The following FANCL variants were observed in gnomAD, a reference collection of about 807,000 sequenced individuals.
FANCL encodes the protein FA complementation group L.
In FANCL, 69 loss-of-function variants were observed where a neutral mutation model predicts 59.4. The ratio of observed to expected loss-of-function variants is 1.16; its 90% CI spans 0.96 to 1.42. The LOEUF is 1.42. Ranked by LOEUF, FANCL falls within the 40% of genes most tolerant of loss-of-function variation. The probability of loss-of-function intolerance (pLI) is 0.00; values close to 1 mark genes in which losing one functional copy is unlikely to be tolerated. For missense variants in FANCL, 519 were observed against 447.2 expected, an observed-to-expected ratio of 1.16 and a Z score of -1.45; for synonymous variants, 180 against 147.1, an observed-to-expected ratio of 1.22 and a Z score of -1.62.
chr2:58,212,987 T>C (rs1362301754), intron 5 of FANCL, among the ~76,000 whole-genome samples: 1 of 152,188 alleles, frequency 6.6e-6, no homozygotes, highest in Non-Finnish European at 1.5e-5. Flanking sequence ...AGAATTTGTA[T>C]AATGTCTAAT....
chr2:58,160,307 T>G, intron 12 of FANCL, 128 bp from the exon 13 acceptor site: 2 of 954,274 alleles, frequency 2.1e-6, no homozygotes, highest in Non-Finnish European at 3.3e-6. Context: ...AATTTTGTTT[T>G]GCAAGAGTAA....
chr2:58,194,937 G>C (rs1415517998), intron 7 of FANCL, among the ~76,000 whole-genome samples: 1 of 139,708 alleles, frequency 7.2e-6, no homozygotes, highest in Admixed American at 7.0e-5. Flanking sequence ...AAAAAAAAAA[G>C]AAAAATAAAG....
At chr2:58,211,462 G>A (rs1414911521) in intron 5 of FANCL, among the ~76,000 whole-genome samples, 1 of 152,138 alleles carries the variant, frequency 6.6e-6, no homozygotes, top group African/African-American at 2.4e-5. Context: ...GAAGACCTCT[G>A]GCATGCCCTG....
At chr2:58,209,624 C>T (rs1690932857) in intron 5 of FANCL, among the ~76,000 whole-genome samples, 1 of 152,164 alleles carries the variant, frequency 6.6e-6, no homozygotes, top group African/African-American at 2.4e-5. Flanking sequence ...CAACTTGATA[C>T]ACCTACTTTA....
At chr2:58,231,646 AATGTTG>A (rs1693588539) in intron 2 of FANCL, among the ~76,000 whole-genome samples, 1 of 152,170 alleles carries the variant, frequency 6.6e-6, no homozygotes, top group African/African-American at 2.4e-5. Context: ...ACCAGCACTC[AATGTTG>A]GTACCTAATT....
At chr2:58,196,173 T>G (rs974964570) in intron 7 of FANCL, among the ~76,000 whole-genome samples, 6 of 152,046 alleles carry the variant, frequency 3.9e-5, no homozygotes, top group African/African-American at 1.4e-4. Context: ...GCAAAAAGTA[T>G]GCACGGATGG....
chr2:58,207,549 A>G (rs543159845), intron 5 of FANCL, among the ~76,000 whole-genome samples: 3 of 152,292 alleles, frequency 2.0e-5, no homozygotes, highest in Non-Finnish European at 4.4e-5. Flanking sequence ...TGAATTGTTA[A>G]ATGAGAGATG....
At chr2:58,161,040 A>T (rs1363436302) in intron 12 of FANCL, among the ~76,000 whole-genome samples, 2 of 152,178 alleles carry the variant, frequency 1.3e-5, no homozygotes, top group Non-Finnish European at 1.5e-5. Flanking sequence ...TGAGACTCAG[A>T]TCACAAAAGG....
At chr2:58,183,591 C>T (rs1040534702) in intron 7 of FANCL, among the ~76,000 whole-genome samples, 1 of 151,896 alleles carries the variant, frequency 6.6e-6, no homozygotes, top group East Asian at 1.9e-4. Flanking sequence ...TCTAATCTTT[C>T]ACTGGTCCCT....
At chr2:58,223,793 C>CA (rs1293798758) in intron 4 of FANCL, among the ~76,000 whole-genome samples, 1 of 151,830 alleles carries the variant, frequency 6.6e-6, no homozygotes, top group East Asian at 1.9e-4. Flanking sequence ...ACTGAACTCC[C>CA]ACTATATGCA....
intron 11 of FANCL, 87 bp downstream of exon 11, chr2:58,162,779 T>G (rs1436149193): frequency 8.3e-7 from 1 of 1,207,954 alleles, no homozygotes; most frequent in African/African-American, 1.5e-5. Flanking sequence ...AATTCCCTCC[T>G]TTTTCAGCCT....
intron 9 of FANCL, 132 bp from the exon 10 acceptor site, chr2:58,163,206 A>C: frequency 1.2e-6 from 1 of 831,774 alleles, no homozygotes; most frequent in Non-Finnish European, 1.9e-6. Flanking sequence ...TAAAAAACAA[A>C]ATTATACAGT....
intron 7 of FANCL, among the ~76,000 whole-genome samples, chr2:58,196,683 A>G (rs1329489155): frequency 6.6e-6 from 1 of 152,056 alleles, no homozygotes; most frequent in Non-Finnish European, 1.5e-5. Flanking sequence ...TAACAAAATA[A>G]AGTACTAAAC....
At chr2:58,170,099 T>C (rs924456771) in intron 7 of FANCL, among the ~76,000 whole-genome samples, 7 of 151,408 alleles carry the variant, frequency 4.6e-5, no homozygotes, top group East Asian at 1.9e-4. Flanking sequence ...TTCATCAAGG[T>C]TGAAATGAAG....
Position 58,229,885 on chromosome 2 carries a change from A to G in FANCL, c.156-11T>C. On this transcript the variant is annotated splice_polypyrimidine_tract_variant and intron_variant, in intron 2 of 13. Coordinates refer to ENST00000233741, the MANE Select transcript of FANCL (RefSeq NM_018062.4). Reference sequence around the variant, plus strand: ...CAACTACATAATAATCTAAAATTTTAATGAGACAAAATGGTTTATTCATTG... The same window carrying G: ...CAACTACATAATAATCTAAAATTTTGATGAGACAAAATGGTTTATTCATTG... 1 of 1,583,038 alleles carries G rather than the reference A, an allele frequency of 6.3e-7. No individual in the cohort carries two copies. The highest frequency in any genetic ancestry group is 8.7e-7 in the Non-Finnish European group (1 of 1,152,034).
At chr2:58,174,803 G>C (rs1351359633) in intron 7 of FANCL, among the ~76,000 whole-genome samples, 4 of 152,088 alleles carry the variant, frequency 2.6e-5, no homozygotes, top group Non-Finnish European at 2.9e-5. Flanking sequence ...CAGAACTGAA[G>C]GAAATAGAGA....
intron 11 of FANCL, among the ~76,000 whole-genome samples, chr2:58,161,869 A>G (rs1325175025): frequency 1.3e-5 from 2 of 151,924 alleles, no homozygotes; most frequent in Admixed American, 6.6e-5. Context: ...ACACAAGGTA[A>G]GATCAGGAAG....
At chr2:58,208,664 G>C (rs1690825049) in intron 5 of FANCL, among the ~76,000 whole-genome samples, 1 of 152,152 alleles carries the variant, frequency 6.6e-6, no homozygotes, top group East Asian at 1.9e-4. Context: ...CTTCATGTTT[G>C]AATAAAGCAT....
In FANCL at chr2:58,204,199, A is replaced by G. The variant is rs145284589; in HGVS notation, c.402T>C (p.Ser134=). 317 of 1,613,290 alleles carry G rather than the reference A, an allele frequency of 2.0e-4. 1 individual carries two copies. In the African/African-American group the frequency reaches 4.0e-3, roughly 20 times the overall value. ...CATCTTCTGCTTTTAACTTGATGGT[A>G]CTGAAGCAGGTATCCGCATACACAA... ...DKLVYADTCF[S]TIKLKAEDAS... Residue 134 remains serine (S), a synonymous_variant, in exon 6 of 14, where the codon AGT becomes AGC. Coordinates refer to ENST00000233741, the MANE Select transcript of FANCL (RefSeq NM_018062.4).
Sources: gnomAD v4.1 joint callset for allele counts (sites outside exome capture counted in the v4.1 genomes callset) on GRCh38, gnomAD v4.1.1 for gene constraint, MANE v1.5 for transcripts, NCBI Gene and HGNC (gene_info 2026-07-23, HGNC 2026-07-21) for gene names.